Variants in ANKRD31 observed in about 807,000 individuals in gnomAD.
ANKRD31 encodes ankyrin repeat domain 31, also known as ankyrin repeat domain-containing protein 31.
Under a neutral mutation model 186.0 loss-of-function variants are expected in ANKRD31, and 147 were observed. That is an observed-to-expected ratio of 0.79 (90% confidence interval 0.69 to 0.91). ANKRD31 has a LOEUF of 0.91. Among genes scored for constraint, ANKRD31 ranks in the 40% least tolerant of loss-of-function variants. The probability of loss-of-function intolerance (pLI) is 0.00; values close to 1 mark genes in which losing one functional copy is unlikely to be tolerated. For missense variants in ANKRD31, 1,986 were observed against 2,148.8 expected (o/e 0.92, Z 1.50); for synonymous variants, 673 against 736.4 (o/e 0.91, Z 1.39).
At chr5:75,073,430 A>T (rs1344595798) in intron 25 of ANKRD31, among the ~76,000 whole-genome samples, 1 of 152,208 alleles carries the variant, frequency 6.6e-6, no homozygotes, top group Non-Finnish European at 1.5e-5. Context: ...CACAGAGAAG[A>T]TCACCATCCA....
chr5:75,095,457 G>A (rs892564336), intron 22 of ANKRD31, among the ~76,000 whole-genome samples: 10 of 147,954 alleles, frequency 6.8e-5, no homozygotes, highest in African/African-American at 2.6e-4. Context: ...CTGGGCCACA[G>A]AGCGAGACTC....
chr5:75,203,831 T>A (rs1203401575), intron 5 of ANKRD31, among the ~76,000 whole-genome samples: 1 of 152,152 alleles, frequency 6.6e-6, no homozygotes, highest in East Asian at 1.9e-4. Context: ...TCATTATAGC[T>A]TTATAAACAT....
At chr5:75,145,554 G>A (rs894015059) in intron 14 of ANKRD31, among the ~76,000 whole-genome samples, 5 of 151,614 alleles carry the variant, frequency 3.3e-5, no homozygotes, top group Admixed American at 6.6e-5. Context: ...ACATGGTGAG[G>A]GGAACATCAC....
At chr5:75,235,819 C>T (rs1267086433) in intron 1 of ANKRD31, among the ~76,000 whole-genome samples, 1 of 152,190 alleles carries the variant, frequency 6.6e-6, no homozygotes, top group African/African-American at 2.4e-5. Flanking sequence ...TAAAGGCTGT[C>T]CCCCTTGTAA....
intron 17 of ANKRD31, among the ~76,000 whole-genome samples, chr5:75,127,858 T>C (rs1314158402): frequency 6.6e-6 from 1 of 152,186 alleles, no homozygotes; most frequent in Non-Finnish European, 1.5e-5. Flanking sequence ...TTGGACATAT[T>C]TTGTAACATT....
At position 75,104,517 on chromosome 5, in the gene ANKRD31, G is replaced by C; in HGVS notation, c.5042C>G (p.Ser1681Cys). The stretch of plus-strand genomic sequence containing the variant: ...TGATGCCCCTGTAGGTGATTGCTGG[G>C]AACTTGTTTTTCTGTTTCCTCTTTT... ...DPKRGNRKTS[S>C]QQSPTGASES... is the part of the protein sequence containing the mutation. Residue 1681 changes from serine (S) to cysteine (C), a missense_variant, in exon 22 of 26, where the codon TCC becomes TGC. Transcript: ENST00000506364. 6.5e-7 allele frequency: 1 copy of C among 1,537,072 alleles called. No individual in the cohort carries two copies. The highest frequency in any genetic ancestry group is 8.7e-7 in the Non-Finnish European group (1 of 1,146,860).
chr5:75,115,943 T>C (rs1748203870), intron 19 of ANKRD31, among the ~76,000 whole-genome samples: 1 of 152,054 alleles, frequency 6.6e-6, no homozygotes. Flanking sequence ...CATGCTGCTA[T>C]AAAGACACAT....
At chr5:75,076,614 C>A (rs1744671437) in intron 25 of ANKRD31, among the ~76,000 whole-genome samples, 1 of 152,182 alleles carries the variant, frequency 6.6e-6, no homozygotes, top group African/African-American at 2.4e-5. Context: ...TCATTGGTAA[C>A]TGGTGATTAA....
intron 18 of ANKRD31, 87 bp from the exon 19 acceptor site, chr5:75,116,768 G>A (rs183832422): frequency 1.6e-6 from 1 of 633,594 alleles, no homozygotes; most frequent in Non-Finnish European, 2.3e-6. Context: ...GGATGAGAAG[G>A]ATAAGTCAAG....
rs1297585553 is a variant in ANKRD31, at chr5:75,180,304, C to T, written c.1564+8189G>A. 9.2e-5 allele frequency among the ~76,000 whole-genome samples: 14 copies of T among 152,292 alleles called. No homozygotes were observed. In the East Asian group the frequency reaches 2.3e-3, roughly 25 times the overall value. ...AATCAATATCGTGAAAATGGCCATA[C>T]TGCCCAAGGTAATTTACAGATTTAA... On this transcript the variant is annotated intron_variant, in intron 10 of 25. Transcript: ENST00000506364.
chr5:75,169,722 G>T (rs911676271), intron 10 of ANKRD31, among the ~76,000 whole-genome samples: 2 of 152,140 alleles, frequency 1.3e-5, no homozygotes, highest in Non-Finnish European at 2.9e-5. Context: ...ACAGATGTAA[G>T]AAAACTTTAA....
chr5:75,230,669 T>TA, intron 1 of ANKRD31, 34 bp from the exon 2 acceptor site: 1 of 1,449,048 alleles, frequency 6.9e-7, no homozygotes, highest in South Asian at 1.2e-5. Context: ...CACAAGTTGT[T>TA]AATGTGTCTT....
intron 2 of ANKRD31, among the ~76,000 whole-genome samples, chr5:75,226,576 AT>A (rs1404807506): frequency 6.6e-6 from 1 of 152,212 alleles, no homozygotes; most frequent in African/African-American, 2.4e-5. Flanking sequence ...AGGAAAAAAA[AT>A]ATAATAATCA....
chr5:75,236,638 TCA>T lies in ANKRD31; in HGVS notation c.47_48del (p.Val16AspfsTer23). On this transcript the variant is annotated frameshift_variant, in exon 1 of 26. Coordinates refer to ENST00000506364, the MANE Select transcript of ANKRD31 (RefSeq NM_001372053.1). LOFTEE classifies it high-confidence loss of function. ...TCGCTCTCCGTCACTGAACCCTCTA[TCA>T]CAGTTTCATCACTGTCCCAGTCTGG... ...QAPDWDSDET[V>X]IEGSVTESDL... 1 of 1,537,300 alleles carries T rather than the reference TCA, an allele frequency of 6.5e-7. No individual in the cohort carries two copies. Among genetic ancestry groups the T allele is most frequent in the Non-Finnish European group, 8.7e-7 (1 of 1,146,862 alleles).
intron 10 of ANKRD31, among the ~76,000 whole-genome samples, chr5:75,178,881 G>C (rs373354992): frequency 3.3e-5 from 5 of 152,206 alleles, no homozygotes; most frequent in African/African-American, 1.2e-4. Flanking sequence ...AAATAACTAA[G>C]ATCAGAGCAG....
At chr5:75,179,684 C>G (rs535492983) in intron 10 of ANKRD31, among the ~76,000 whole-genome samples, 137 of 151,878 alleles carry the variant, frequency 9.0e-4, no homozygotes, top group African/African-American at 2.4e-3. Context: ...ATTCAACAAC[C>G]CTTCATGTTA....
chr5:75,133,747 T>C (rs9680808), intron 17 of ANKRD31, among the ~76,000 whole-genome samples: 140 of 152,262 alleles, frequency 9.2e-4, no homozygotes, highest in Non-Finnish European at 1.4e-3. Flanking sequence ...TATTCCAAAA[T>C]TGACCACATA....
chr5:75,070,471 G>A (rs1744135518), intron 25 of ANKRD31, among the ~76,000 whole-genome samples: 1 of 152,084 alleles, frequency 6.6e-6, no homozygotes, highest in African/African-American at 2.4e-5. Context: ...TACTTCTATA[G>A]GATTGATACT....
rs1218120205 is a variant in ANKRD31 at position 75,210,821 on chromosome 5, T to C, written c.326+7A>G. The C allele has an allele frequency of 6.0e-6, 9 of 1,497,730 alleles. No homozygotes were observed. In the South Asian group the frequency reaches 9.4e-5, roughly 16 times the overall value. 92.8% of individuals were successfully genotyped at this position (1,497,730 alleles called of 1,614,324 possible). A position where few individuals can be genotyped will look rare whatever the true frequency, so the allele number is the denominator to read the frequency against. On this transcript the variant is annotated splice_region_variant and intron_variant, in intron 4 of 25. Transcript: ENST00000506364. ...AACATAATGAAGCCAAAAATTAGTA[T>C]ACTTACTGTAACAGAGCTTGATTTC...
Sources: gnomAD v4.1 joint callset for allele counts (sites outside exome capture counted in the v4.1 genomes callset) on GRCh38, gnomAD v4.1.1 for gene constraint, MANE v1.5 for transcripts, NCBI Gene and HGNC (gene_info 2026-07-23, HGNC 2026-07-21) for gene names.